UPF2: variants seen among roughly 807,000 people sequenced by gnomAD.
The protein encoded by UPF2 is regulator of nonsense transcripts 2.
UPF2 carries 17 observed loss-of-function variants against 141.4 expected under a neutral mutation model. The ratio of observed to expected loss-of-function variants is 0.12; its 90% CI spans 0.08 to 0.18. The LOEUF is 0.18. UPF2 is among the 10% of genes least tolerant of loss of function. UPF2 has a pLI of 1.00. For synonymous variants in UPF2, 540 were observed against 498.0 expected, an observed-to-expected ratio of 1.08 and a Z score of -1.12; for missense variants, 1,152 against 1,515.9, an observed-to-expected ratio of 0.76 and a Z score of 3.99.
intron 18 of UPF2, among the ~76,000 whole-genome samples, chr10:11,938,853 GTTTTTTTTTTTTT>G (rs58106776): frequency 1.2e-3 from 97 of 79,834 alleles, no homozygotes; most frequent in Admixed American, 2.1e-3. Context: ...TTTTTTTTTT[GTTTTTTTTTTTTT>G]TTTTTTTTTT....
intron 11 of UPF2, among the ~76,000 whole-genome samples, chr10:11,962,535 C>T (rs554711196): frequency 6.6e-6 from 1 of 152,288 alleles, no homozygotes; most frequent in Non-Finnish European, 1.5e-5. Flanking sequence ...TCTCCCCAAC[C>T]ATCCATACCC....
intron 9 of UPF2, among the ~76,000 whole-genome samples, chr10:11,967,860 C>T (rs112307925): frequency 0.025 from 3,813 of 152,168 alleles, 65 homozygotes; most frequent in Non-Finnish European, 0.035. Context: ...CAGCCCACTC[C>T]AGATATTTTT....
At position 12,029,278 on chromosome 10, in the gene UPF2, T is replaced by C; in HGVS notation, c.612A>G (p.Glu204=). 1 of 1,614,226 alleles carries C rather than the reference T, an allele frequency of 6.2e-7. No homozygotes were observed. The highest frequency in any genetic ancestry group is 8.5e-7 in the Non-Finnish European group (1 of 1,180,048). ...NGLNLSKYIA[E]AVASIVEAKL... is the part of the protein sequence containing the mutation. ...TTGCTTCCACGATGGAAGCTACAGC[T>C]TCTGCAATGTATTTGCTTAAATTTA... Residue 204 remains glutamate, a synonymous_variant, in exon 3 of 22, where the codon GAA becomes GAG. Transcript: ENST00000357604.
rs536967821 is a variant in UPF2 at position 11,970,539 on chromosome 10, T to C, written c.1954-3085A>G. On this transcript the variant is annotated intron_variant, in intron 9 of 21. Coordinates refer to ENST00000357604, the MANE Select transcript of UPF2 (RefSeq NM_015542.4). Reference sequence around the variant, plus strand: ...ACTACACACTAAAACTGGCTGGGCATGGTGGCTCACACTTGTGATCACAGC... The same window carrying C: ...ACTACACACTAAAACTGGCTGGGCACGGTGGCTCACACTTGTGATCACAGC... 3.4e-3 allele frequency among the ~76,000 whole-genome samples: 525 copies of C among 152,254 alleles called. 1 individual carries two copies. Among genetic ancestry groups the C allele is most frequent in the African/African-American group, 0.012 (504 of 41,560 alleles).
chr10:11,985,604 C>A (rs1345376013), intron 8 of UPF2, among the ~76,000 whole-genome samples: 2 of 141,034 alleles, frequency 1.4e-5, no homozygotes, highest in Non-Finnish European at 3.0e-5. Context: ...CTGGGCGACA[C>A]AGCAAGAGTC....
intron 16 of UPF2, among the ~76,000 whole-genome samples, chr10:11,945,677 A>G (rs951250810): frequency 1.3e-5 from 2 of 152,250 alleles, no homozygotes; most frequent in African/African-American, 4.8e-5. Context: ...TATAAAGTTC[A>G]TGTTTAAAAA....
chr10:12,011,269 C>T (rs1321780532), intron 4 of UPF2, among the ~76,000 whole-genome samples: 1 of 152,226 alleles, frequency 6.6e-6, no homozygotes, highest in Non-Finnish European at 1.5e-5. Context: ...GTATTACAGG[C>T]ATAAGCCATC....
At chr10:12,021,949 G>A (rs1480755549) in intron 3 of UPF2, among the ~76,000 whole-genome samples, 1 of 152,134 alleles carries the variant, frequency 6.6e-6, no homozygotes, top group African/African-American at 2.4e-5. Flanking sequence ...AAACCAGCCT[G>A]GCCAACATGG....
chr10:11,949,384 C>T (rs1421179947), intron 15 of UPF2, among the ~76,000 whole-genome samples: 1 of 152,234 alleles, frequency 6.6e-6, no homozygotes, highest in Admixed American at 6.5e-5. Flanking sequence ...ATCCACTCTT[C>T]ATGTTCAGTT....
At position 11,940,862 on chromosome 10, in the gene UPF2, A is replaced by C. The variant is rs1269508179; in HGVS notation, c.3378+1803T>G. ...CCTCTATTAGTGCTGGCCGCCTTTTAGTTTTTTAAATACAGGTTCTTTTCT... is the reference window on the plus strand; with the variant it reads ...CCTCTATTAGTGCTGGCCGCCTTTTCGTTTTTTAAATACAGGTTCTTTTCT... On this transcript the variant is annotated intron_variant, in intron 18 of 21. Coordinates refer to ENST00000357604, the MANE Select transcript of UPF2 (RefSeq NM_015542.4). The surrounding 1 kb of genome is among the most constrained non-coding windows in gnomAD (Gnocchi z 4.2). 6.6e-6 allele frequency among the ~76,000 whole-genome samples: 1 copy of C among 152,072 alleles called. No individual in the cohort carries two copies. Among genetic ancestry groups the C allele is most frequent in the Non-Finnish European group, 1.5e-5 (1 of 68,012 alleles).
At chr10:12,015,407 AC>A (rs1345663546) in intron 3 of UPF2, among the ~76,000 whole-genome samples, 1 of 152,214 alleles carries the variant, frequency 6.6e-6, no homozygotes, top group African/African-American at 2.4e-5. Flanking sequence ...TTGTTTCAGT[AC>A]TATAACAATT....
Position 12,028,888 on chromosome 10 carries a change from A to C in UPF2, c.1002T>G (p.Phe334Leu). 2 of 1,614,182 alleles carry C rather than the reference A, an allele frequency of 1.2e-6. No individual in the cohort carries two copies. The highest frequency in any genetic ancestry group is 2.7e-5 in the African/African-American group (2 of 75,052). The change falls in exon 3 of 22, where the codon TTT becomes TTG. Residue 334 changes from phenylalanine (F) to leucine (L), a missense_variant. By Grantham distance (22) the Phe-to-Leu change is conservative (BLOSUM62 0). Around this residue, in one of 4 missense-constraint regions of UPF2, gnomAD observed 739 missense variants for 1,032.2 expected, o/e 0.72. Transcript: ENST00000357604. ...TCTCACTAGGAGGAAAACTCAAATT[A>C]AACTTCTCTGCAGCACTCTTTACTT... is the stretch of plus-strand genomic sequence containing the variant. ...PRKVKSAAEKFNLSFPPSEII... is the reference protein window; with the variant it reads ...PRKVKSAAEKLNLSFPPSEII...
intron 2 of UPF2, 57 bp downstream of exon 2, chr10:12,035,002 C>G: frequency 6.6e-7 from 1 of 1,504,838 alleles, no homozygotes; most frequent in South Asian, 1.4e-5. Flanking sequence ...GTTTTTTTCC[C>G]AAAATATTCC....
At chr10:12,035,486 T>C in intron 1 of UPF2, 45 bp from the exon 2 acceptor site, 1 of 1,460,062 alleles carries the variant, frequency 6.8e-7, no homozygotes, top group Non-Finnish European at 9.0e-7. Context: ...CAGTGACTTT[T>C]TAAAATGATA....
chr10:12,028,596 G>A, intron 3 of UPF2, 149 bp downstream of exon 3: 1 of 756,486 alleles, frequency 1.3e-6, no homozygotes, highest in Non-Finnish European at 2.0e-6. Context: ...TACTCAGACT[G>A]TTCTACTTTG....
chr10:12,021,366 C>CAAA (rs780308726), intron 3 of UPF2, among the ~76,000 whole-genome samples: 1 of 64,758 alleles, frequency 1.5e-5, no homozygotes. Flanking sequence ...CAAGTCTCTA[C>CAAA]AAAAAAAAAA....
chr10:11,940,243 G>A lies in UPF2; in HGVS notation c.3378+2422C>T, dbSNP rs1476684230. 5.3e-5 allele frequency among the ~76,000 whole-genome samples: 8 copies of A among 152,174 alleles called. No individual in the cohort carries two copies. The highest frequency in any genetic ancestry group is 8.8e-5 in the Non-Finnish European group (6 of 68,038). The stretch of plus-strand genomic sequence containing the variant: ...CCATCCTTCCAGCTTGCTTCTTCAA[G>A]AACTGTCAATAAGCAAAAATTATTG... On this transcript the variant is annotated intron_variant, in intron 18 of 21. Transcript: ENST00000357604. The surrounding 1 kb of genome is among the most constrained non-coding windows in gnomAD (Gnocchi z 4.2).
intron 3 of UPF2, among the ~76,000 whole-genome samples, chr10:12,022,395 A>G (rs1834333436): frequency 6.7e-6 from 1 of 148,582 alleles, no homozygotes; most frequent in Non-Finnish European, 1.5e-5. Flanking sequence ...CTGGAAACAG[A>G]GGGAGACTCC....
intron 4 of UPF2, 35 bp downstream of exon 4, chr10:12,013,989 A>C: frequency 6.8e-7 from 1 of 1,460,580 alleles, no homozygotes; most frequent in Non-Finnish European, 9.1e-7. Flanking sequence ...GTGCTTACAG[A>C]AAACACAATG....
Sources: gnomAD v4.1 joint callset for allele counts (sites outside exome capture counted in the v4.1 genomes callset) on GRCh38, gnomAD v4.1.1 for gene constraint, gnomAD v4.1.1 regional missense constraint, Gnocchi (gnomAD v3.1) non-coding constraint, MANE v1.5 for transcripts, NCBI Gene and HGNC (gene_info 2026-07-23, HGNC 2026-07-21) for gene names.